AMD1: variants seen among roughly 807,000 people sequenced by gnomAD.
The protein encoded by AMD1 is S-adenosylmethionine decarboxylase proenzyme.
A neutral mutation model predicts 40.2 loss-of-function variants in AMD1; 11 were observed. The ratio of observed to expected loss-of-function variants is 0.27; its 90% CI spans 0.17 to 0.45. The LOEUF is 0.45. Among genes scored for constraint, AMD1 ranks in the 20% least tolerant of loss-of-function variants. AMD1 has a pLI of 1.00. For missense variants in AMD1, 257 were observed against 410.2 expected (o/e 0.63, Z 3.23); for synonymous variants, 121 against 130.8 (o/e 0.93, Z 0.51).
intron 1 of AMD1, among the ~76,000 whole-genome samples, chr6:110,876,022 G>T (rs1389293797): frequency 6.6e-6 from 1 of 152,202 alleles, no homozygotes; most frequent in African/African-American, 2.4e-5. Context: ...GGGCGGGAGA[G>T]GTGCGGGTGG....
intron 1 of AMD1, among the ~76,000 whole-genome samples, chr6:110,879,655 G>T (rs1427224055): frequency 6.6e-6 from 1 of 152,048 alleles, no homozygotes; most frequent in East Asian, 1.9e-4. Flanking sequence ...TACTACCTGG[G>T]GTAGAGGCAC....
At chr6:110,863,694 A>G in the AMD1 span, among the ~76,000 whole-genome samples, 3 of 152,098 alleles carry the variant, frequency 2.0e-5, no homozygotes, top group East Asian at 5.8e-4. Flanking sequence ...ATAATTACAC[A>G]TTAGACTTTG....
chr6:110,858,413 A>G, the AMD1 span: 1 of 883,550 alleles, frequency 1.1e-6, no homozygotes, highest in Non-Finnish European at 1.9e-6. Context: ...GGACGGGATT[A>G]GTTTATGGAC....
the AMD1 span, among the ~76,000 whole-genome samples, chr6:110,857,179 A>G: frequency 6.6e-6 from 1 of 151,718 alleles, no homozygotes; most frequent in Non-Finnish European, 1.5e-5. Flanking sequence ...AAATAAATAA[A>G]TAACCAACTA....
chr6:110,892,729 C>CT lies in AMD1; in HGVS notation c.616-6_616-5insT, dbSNP rs780937704. 6.2e-7 allele frequency: 1 copy of CT among 1,611,628 alleles called. No individual in the cohort carries two copies. Among genetic ancestry groups the CT allele is most frequent in the Non-Finnish European group, 8.5e-7 (1 of 1,179,026 alleles). On this transcript the variant is annotated splice_region_variant and splice_polypyrimidine_tract_variant and intron_variant, in intron 6 of 8. Transcript: ENST00000368885. ...CTTGTTAAACTCGGTCTTTTTCCCC[C>CT]CCCAGGAGAGTGGAATTCGTGACCT...
At chr6:110,889,350 A>G (rs372112748) in intron 3 of AMD1, 104 of 159,316 alleles carry the variant, frequency 6.5e-4, no homozygotes, top group African/African-American at 2.3e-3. Flanking sequence ...ATGAAGAGCA[A>G]CAGTCAGTAT....
At chr6:110,817,027 G>C in the AMD1 span, among the ~76,000 whole-genome samples, 1 of 152,320 alleles carries the variant, frequency 6.6e-6, no homozygotes, top group Non-Finnish European at 1.5e-5. Flanking sequence ...TATCAATTTA[G>C]TTTATAGACC....
At chr6:110,833,863 C>T in the AMD1 span, among the ~76,000 whole-genome samples, 19 of 152,032 alleles carry the variant, frequency 1.2e-4, no homozygotes, top group Non-Finnish European at 1.5e-4. Flanking sequence ...AAAGAAATAA[C>T]GATAATAAAT....
chr6:110,861,666 A>T, the AMD1 span, among the ~76,000 whole-genome samples: 1 of 151,830 alleles, frequency 6.6e-6, no homozygotes, highest in South Asian at 2.1e-4. Flanking sequence ...ACATAGTGAA[A>T]CCCCATCTTT....
At chr6:110,844,194 T>A in the AMD1 span, among the ~76,000 whole-genome samples, 14 of 149,210 alleles carry the variant, frequency 9.4e-5, no homozygotes, top group East Asian at 2.9e-3. Flanking sequence ...TTGAGACCAG[T>A]GTAGCCAACA....
chr6:110,815,014 T>C, the AMD1 span: 1 of 1,604,214 alleles, frequency 6.2e-7, no homozygotes, highest in Non-Finnish European at 8.5e-7. Context: ...CTTACCCATC[T>C]TTCCGCCTCG....
At chr6:110,818,260 A>G in the AMD1 span, among the ~76,000 whole-genome samples, 1 of 152,178 alleles carries the variant, frequency 6.6e-6, no homozygotes, top group Non-Finnish European at 1.5e-5. Context: ...CACTCCAATC[A>G]GGAGCAGTTG....
chr6:110,864,479 C>T, the AMD1 span: 1 of 154,346 alleles, frequency 6.5e-6, no homozygotes, highest in Non-Finnish European at 1.5e-5. Context: ...CTAATTCCCC[C>T]AAAAGACCAA....
the AMD1 span, among the ~76,000 whole-genome samples, chr6:110,847,721 TG>T: frequency 0.14 from 20,278 of 149,154 alleles, 1,784 homozygotes; most frequent in East Asian, 0.31. Flanking sequence ...TTTTGTTTTT[TG>T]TTTTTTTGAG....
At chr6:110,877,922 G>A (rs1785201260) in intron 1 of AMD1, among the ~76,000 whole-genome samples, 1 of 152,048 alleles carries the variant, frequency 6.6e-6, no homozygotes, top group East Asian at 1.9e-4. Flanking sequence ...GAGAATGAAA[G>A]GCTTAAATGT....
At chr6:110,869,288 G>A in the AMD1 span, among the ~76,000 whole-genome samples, 5 of 151,434 alleles carry the variant, frequency 3.3e-5, no homozygotes, top group African/African-American at 7.3e-5. Flanking sequence ...CCGCCACCGC[G>A]CCCGGCTAAT....
the AMD1 span, among the ~76,000 whole-genome samples, chr6:110,866,362 G>A: frequency 2.6e-5 from 4 of 152,142 alleles, no homozygotes; most frequent in South Asian, 6.2e-4. Context: ...TTGGCCCTCT[G>A]AAGGTTCACT....
chr6:110,873,562 G>GT (rs991929845), upstream of AMD1, among the ~76,000 whole-genome samples: 1 of 152,132 alleles, frequency 6.6e-6, no homozygotes, highest in African/African-American at 2.4e-5. Flanking sequence ...TTTGGGGAAA[G>GT]TTTTTTTCTA....
At chr6:110,889,072 A>C in intron 3 of AMD1, 89 bp downstream of exon 3, 2 of 1,480,234 alleles carry the variant, frequency 1.4e-6, no homozygotes, top group East Asian at 4.7e-5. Context: ...TTATATACTT[A>C]CTGCCTTTGT....
Sources: gnomAD v4.1 joint callset for allele counts (sites outside exome capture counted in the v4.1 genomes callset) on GRCh38, gnomAD v4.1.1 for gene constraint, MANE v1.5 for transcripts, NCBI Gene and HGNC (gene_info 2026-07-23, HGNC 2026-07-21) for gene names.